Variants in TMEM185A observed in about 807,000 individuals in gnomAD.
TMEM185A encodes family with sequence similarity 11, member A.
In TMEM185A, 9 loss-of-function variants were observed where a neutral mutation model predicts 25.0. The ratio of observed to expected loss-of-function variants is 0.36; its 90% CI spans 0.22 to 0.63. The LOEUF (loss-of-function observed/expected upper bound fraction) is 0.63, where lower values mean the gene tolerates loss of function less well. Ranked by LOEUF, TMEM185A falls within the 20% of genes least tolerant of loss-of-function variation. TMEM185A has a pLI of 0.68. For synonymous variants in TMEM185A, 45 were observed against 93.5 expected, an observed-to-expected ratio of 0.48 and a Z score of 2.99; for missense variants, 103 against 237.4, an observed-to-expected ratio of 0.43 and a Z score of 3.72.
chrX:149,617,701 G>A (rs1569561037), intron 1 of TMEM185A, among the ~76,000 whole-genome samples: 2 of 111,818 alleles, frequency 1.8e-5, no homozygotes, highest in South Asian at 3.7e-4. Flanking sequence ...AAAGGAAAAC[G>A]TATGTCCACA....
intron 1 of TMEM185A, among the ~76,000 whole-genome samples, chrX:149,618,109 A>G (rs1188001242): frequency 9.0e-6 from 1 of 111,566 alleles, no homozygotes; most frequent in Non-Finnish European, 1.9e-5. Context: ...TGAGTATTAT[A>G]CTATACCGGC....
At chrX:149,609,135 C>T (rs991679504) in intron 2 of TMEM185A, among the ~76,000 whole-genome samples, 4 of 112,534 alleles carry the variant, frequency 3.6e-5, no homozygotes, top group Admixed American at 9.4e-5. Flanking sequence ...TGACAATGTA[C>T]ATAAACACTT....
chrX:149,617,259 ACT>A (rs2124223569), intron 1 of TMEM185A, among the ~76,000 whole-genome samples: 1 of 111,206 alleles, frequency 9.0e-6, no homozygotes, highest in African/African-American at 3.3e-5. Context: ...AAAATGAAAA[ACT>A]CTTACTCTCC....
intron 1 of TMEM185A, among the ~76,000 whole-genome samples, chrX:149,611,966 G>T (rs1557354553): frequency 8.9e-6 from 1 of 112,266 alleles, no homozygotes; most frequent in African/African-American, 3.2e-5. Flanking sequence ...TTTCTAAAAA[G>T]GCAGCCATCT....
chrX:149,611,394 T>A lies in TMEM185A; in HGVS notation c.108A>T (p.Ile36=). The A allele has an allele frequency of 8.3e-7, 1 of 1,211,394 alleles. No homozygotes were observed. The highest frequency in any genetic ancestry group is 1.1e-6 in the Non-Finnish European group (1 of 895,320). The change falls in exon 2 of 7, where the codon ATA becomes ATT. Residue 36 remains isoleucine (I), a synonymous_variant. Coordinates refer to ENST00000600449, the MANE Select transcript of TMEM185A (RefSeq NM_032508.4). ...VLLALRLDGI[I]QWSYWAVFAP... The stretch of plus-strand genomic sequence containing the variant: ...CAAAGACAGCCCAGTAACTCCACTG[T>A]ATGATGCCATCCAAACGAAGGGCCA...
At chrX:149,626,526 G>C (rs782569498) in intron 1 of TMEM185A, among the ~76,000 whole-genome samples, 17 of 111,998 alleles carry the variant, frequency 1.5e-4, no homozygotes, top group African/African-American at 5.5e-4. Flanking sequence ...TACTGAAAGG[G>C]GCCAGCCCCT....
intron 2 of TMEM185A, among the ~76,000 whole-genome samples, chrX:149,609,184 C>G (rs1557354135): frequency 8.9e-6 from 1 of 112,333 alleles, no homozygotes; most frequent in African/African-American, 3.2e-5. Flanking sequence ...GAGTTACTTC[C>G]AAGATTATTC....
At chrX:149,627,084 C>T (rs1225881906) in intron 1 of TMEM185A, among the ~76,000 whole-genome samples, 2 of 111,580 alleles carry the variant, frequency 1.8e-5, no homozygotes, top group Admixed American at 9.4e-5. Context: ...AGCACAGACA[C>T]TTTACGGGTG....
chrX:149,602,808 T>C lies in TMEM185A; in HGVS notation c.507+1179A>G, dbSNP rs1366563109. Among the ~76,000 whole-genome samples, 11 of 112,217 alleles carry C rather than the reference T, an allele frequency of 9.8e-5. No individual in the cohort carries two copies. In the East Asian group the frequency reaches 2.2e-3, roughly 23 times the overall value. On this transcript the variant is annotated intron_variant, in intron 4 of 6. Transcript: ENST00000600449. ...ATTCTCCAGATACAGCACTGTGAAG[T>C]TGTAGGATGAGTGACTGAATATTTT...
At chrX:149,605,299 TCCCATGTCACTATGG>T (rs2090041930) in intron 3 of TMEM185A, 1 of 69,347 alleles carries the variant, frequency 1.4e-5, no homozygotes, top group Non-Finnish European at 2.5e-5. Flanking sequence ...TTCTATGGCC[TCCCATGTCACTATGG>T]CCTCCCATGT....
intron 1 of TMEM185A, among the ~76,000 whole-genome samples, chrX:149,613,401 G>A (rs2090094570): frequency 1.8e-5 from 2 of 112,059 alleles, no homozygotes; most frequent in African/African-American, 6.5e-5. Context: ...AAGGAACCAT[G>A]AGCCAAGGAA....
At chrX:149,618,228 C>T in intron 1 of TMEM185A, among the ~76,000 whole-genome samples, 1 of 111,612 alleles carries the variant, frequency 9.0e-6, no homozygotes, top group African/African-American at 3.2e-5. Context: ...TACTCTTTTG[C>T]TTATGATATC....
chrX:149,622,015 A>T (rs2090141912), intron 1 of TMEM185A, among the ~76,000 whole-genome samples: 1 of 112,007 alleles, frequency 8.9e-6, no homozygotes, highest in Non-Finnish European at 1.9e-5. Flanking sequence ...GGGCGTCATT[A>T]TTCTGCCTAC....
chrX:149,616,257 C>A (rs782492295), intron 1 of TMEM185A, among the ~76,000 whole-genome samples: 17 of 112,181 alleles, frequency 1.5e-4, no homozygotes, highest in African/African-American at 5.2e-4. Context: ...AGATTTACAT[C>A]CTCTGTGTAT....
chrX:149,604,016 GTC>G lies in TMEM185A; in HGVS notation c.476_477del (p.Arg159ThrfsTer69). 1 of 1,209,229 alleles carries G rather than the reference GTC, an allele frequency of 8.3e-7. No individual in the cohort carries two copies. The highest frequency in any genetic ancestry group is 1.1e-6 in the Non-Finnish European group (1 of 893,768). ...CAGGGCCAGTGGATGATCTTGTCCA[GTC>G]TTAAGGCAATGAATATAAACTGGAG... Reference protein sequence around the residue: ...NILQFIFIALRLDKIIHWPWL... With the variant: ...NILQFIFIALXLDKIIHWPWL... On this transcript the variant is annotated frameshift_variant, in exon 4 of 7. Coordinates refer to ENST00000600449, the MANE Select transcript of TMEM185A (RefSeq NM_032508.4). LOFTEE classifies it high-confidence loss of function.
At chrX:149,627,857 A>G (rs942988555) in intron 1 of TMEM185A, among the ~76,000 whole-genome samples, 14 of 112,513 alleles carry the variant, frequency 1.2e-4, no homozygotes, top group African/African-American at 4.5e-4. Context: ...TTGAGGAATC[A>G]ATGTTATAAT....
intron 1 of TMEM185A, among the ~76,000 whole-genome samples, chrX:149,624,529 G>A (rs188326965): frequency 4.5e-5 from 5 of 111,315 alleles, no homozygotes; most frequent in Admixed American, 9.5e-5. Context: ...ACATACACGC[G>A]CATTAACACA....
chrX:149,605,730 T>C (rs2090047680), intron 3 of TMEM185A, among the ~76,000 whole-genome samples: 1 of 112,346 alleles, frequency 8.9e-6, no homozygotes, highest in South Asian at 3.7e-4. Context: ...GCCCACTTCC[T>C]ATCCTGATGA....
chrX:149,608,611 A>G lies in TMEM185A; in HGVS notation c.423+16T>C. ...CTCCCAAAGTGGAAAACATTCTTAA[A>G]TATATGAAATCTCACCTCTAGTGAC... On this transcript the variant is annotated intron_variant, in intron 3 of 6. Transcript: ENST00000600449. The G allele has an allele frequency of 8.3e-7, 1 of 1,207,905 alleles. No individual in the cohort carries two copies. Among genetic ancestry groups the G allele is most frequent in the Non-Finnish European group, 1.1e-6 (1 of 892,673 alleles).
Sources: allele counts gnomAD v4.1 joint callset (sites outside exome capture counted in the v4.1 genomes callset), GRCh38; gene constraint gnomAD v4.1.1; transcripts MANE v1.5; gene names NCBI Gene and HGNC (gene_info 2026-07-23, HGNC 2026-07-21).